The following CCDC149 variants were observed in gnomAD, a reference collection of about 807,000 sequenced individuals.
CCDC149 encodes the protein coiled-coil domain containing 149.
CCDC149 carries 45 observed loss-of-function variants against 59.9 expected under a neutral mutation model. The observed-to-expected ratio is 0.75, with a 90% confidence interval of 0.59 to 0.96. The LOEUF (loss-of-function observed/expected upper bound fraction) is 0.96, where lower values mean the gene tolerates loss of function less well. Among genes scored for constraint, CCDC149 ranks in the 40% least tolerant of loss-of-function variants. The pLI is 0.00. For synonymous variants in CCDC149, 245 were observed against 260.6 expected (o/e 0.94, Z 0.58); for missense variants, 584 against 664.7 (o/e 0.88, Z 1.33).
chr4:24,814,926 T>G (rs1714916557), intron 12 of CCDC149, among the ~76,000 whole-genome samples: 1 of 152,242 alleles, frequency 6.6e-6, no homozygotes. Flanking sequence ...TCATTCTCTC[T>G]TGTATGTCCC....
intron 1 of CCDC149, among the ~76,000 whole-genome samples, chr4:24,928,798 C>T (rs1345323125): frequency 6.6e-6 from 1 of 152,188 alleles, no homozygotes; most frequent in Non-Finnish European, 1.5e-5. Context: ...CTTCCTGTCA[C>T]TCCCTAATGT....
At chr4:24,958,742 GA>G (rs199755366) in intron 1 of CCDC149, among the ~76,000 whole-genome samples, 1 of 151,786 alleles carries the variant, frequency 6.6e-6, no homozygotes, top group Non-Finnish European at 1.5e-5. Flanking sequence ...AAACAGAGAA[GA>G]AAAAAAAGCC....
chr4:24,878,125 T>C (rs987958036), intron 1 of CCDC149, among the ~76,000 whole-genome samples: 4 of 150,666 alleles, frequency 2.7e-5, no homozygotes, highest in Admixed American at 1.3e-4. Flanking sequence ...TCATATATAG[T>C]GCTTGCTAGG....
intron 1 of CCDC149, among the ~76,000 whole-genome samples, chr4:24,977,448 A>T (rs1485637724): frequency 2.0e-5 from 3 of 152,118 alleles, no homozygotes; most frequent in Non-Finnish European, 4.4e-5. Context: ...TCACTCCCCA[A>T]CACCTCTGTT....
At chr4:24,821,771 T>C (rs1715415767) in intron 10 of CCDC149, among the ~76,000 whole-genome samples, 1 of 152,078 alleles carries the variant, frequency 6.6e-6, no homozygotes, top group African/African-American at 2.4e-5. Flanking sequence ...AAAAAGTCAA[T>C]GGGGAATGGC....
At chr4:24,957,574 G>A (rs913252485) in intron 1 of CCDC149, among the ~76,000 whole-genome samples, 2 of 152,150 alleles carry the variant, frequency 1.3e-5, no homozygotes, top group East Asian at 3.9e-4. Flanking sequence ...TTAAGTCAAC[G>A]GAATACATGT....
intron 3 of CCDC149, 79 bp downstream of exon 3, chr4:24,873,602 C>T (rs1194747734): frequency 2.5e-5 from 24 of 958,156 alleles, no homozygotes; most frequent in African/African-American, 3.2e-5. Context: ...AGGAAGTTCT[C>T]TACATTTTGA....
At chr4:24,949,310 C>T (rs1023686924) in intron 1 of CCDC149, among the ~76,000 whole-genome samples, 2 of 152,152 alleles carry the variant, frequency 1.3e-5, no homozygotes, top group Admixed American at 6.5e-5. Context: ...CTGAATGTAG[C>T]TGGGGCTTCC....
intron 1 of CCDC149, among the ~76,000 whole-genome samples, chr4:24,953,430 G>C (rs1723370478): frequency 6.6e-6 from 1 of 152,112 alleles, no homozygotes; most frequent in African/African-American, 2.4e-5. Context: ...AAAGACTAAG[G>C]CATTCAAAAA....
intron 1 of CCDC149, among the ~76,000 whole-genome samples, chr4:24,922,520 A>C (rs1200156342): frequency 1.3e-5 from 2 of 152,092 alleles, no homozygotes; most frequent in Admixed American, 6.5e-5. Context: ...TTTTGGACTC[A>C]TTTTTATTCT....
At chr4:24,945,091 A>G (rs975914877) in intron 1 of CCDC149, among the ~76,000 whole-genome samples, 4 of 152,192 alleles carry the variant, frequency 2.6e-5, no homozygotes, top group Non-Finnish European at 5.9e-5. Context: ...GAATGGGCTT[A>G]TTGAATCACA....
intron 1 of CCDC149, among the ~76,000 whole-genome samples, chr4:24,951,522 C>A (rs1723292229): frequency 6.6e-6 from 1 of 152,044 alleles, no homozygotes; most frequent in South Asian, 2.1e-4. Context: ...GAAATGGGAA[C>A]AAAATTAGCA....
chr4:24,911,150 T>C (rs908462037), intron 1 of CCDC149, among the ~76,000 whole-genome samples: 1 of 152,106 alleles, frequency 6.6e-6, no homozygotes, highest in Non-Finnish European at 1.5e-5. Flanking sequence ...GGCCCTGGAA[T>C]AAAGAACCAA....
intron 1 of CCDC149, among the ~76,000 whole-genome samples, chr4:24,925,214 G>A (rs889901337): frequency 1.3e-5 from 2 of 152,194 alleles, no homozygotes; most frequent in Admixed American, 1.3e-4. Context: ...GAAAATGAAA[G>A]GCATTGGTGG....
rs1027230829 is a variant in CCDC149, at chr4:24,874,450, C to T, written c.226-731G>A. On this transcript the variant is annotated intron_variant, in intron 2 of 12. Transcript: ENST00000635206. ...TACAAAAATTAGCCAGATGTGGCGG[C>T]GGGTGCCTGTAATCCCAGCTACTAG... Among the ~76,000 whole-genome samples, 15 of 151,724 alleles carry T rather than the reference C, an allele frequency of 9.9e-5. No homozygotes were observed. In the East Asian group the frequency reaches 1.4e-3, roughly 14 times the overall value.
intron 1 of CCDC149, among the ~76,000 whole-genome samples, chr4:24,962,255 A>C (rs533770577): frequency 6.8e-4 from 103 of 152,226 alleles, no homozygotes; most frequent in African/African-American, 2.5e-3. Flanking sequence ...TCAAAACCGC[A>C]ATGAGATACC....
intron 1 of CCDC149, among the ~76,000 whole-genome samples, chr4:24,955,279 A>C (rs1020423926): frequency 2.6e-5 from 4 of 152,290 alleles, no homozygotes; most frequent in South Asian, 4.1e-4. Flanking sequence ...AAGGGCAAAA[A>C]GGGCAAACTA....
rs1158423950 is a variant in CCDC149, at chr4:24,839,177, TCTAA to T, written c.373-909_373-906del. On this transcript the variant is annotated intron_variant, in intron 4 of 12. Coordinates refer to ENST00000635206, the MANE Select transcript of CCDC149 (RefSeq NM_001330643.2). Reference sequence around the variant, plus strand: ...GACTGCTGCTATCTGCTTTTTACTTTCTAACTTTTTTTTTTTTTTTGAGACGGAG... The same window carrying T: ...GACTGCTGCTATCTGCTTTTTACTTTCTTTTTTTTTTTTTTTGAGACGGAG... Among the ~76,000 whole-genome samples, 66 of 151,914 alleles carry T rather than the reference TCTAA, an allele frequency of 4.3e-4. 1 individual carries two copies. Among genetic ancestry groups the T allele is most frequent in the Middle Eastern group, 3.4e-3 (1 of 290 alleles).
intron 1 of CCDC149, among the ~76,000 whole-genome samples, chr4:24,890,231 C>T (rs1229584417): frequency 1.3e-5 from 2 of 152,184 alleles, no homozygotes; most frequent in Admixed American, 1.3e-4. Flanking sequence ...CATTTTGAAG[C>T]CTACTCAGTC....
Sources: allele counts gnomAD v4.1 joint callset (sites outside exome capture counted in the v4.1 genomes callset), GRCh38; gene constraint gnomAD v4.1.1; transcripts MANE v1.5; gene names NCBI Gene and HGNC (gene_info 2026-07-23, HGNC 2026-07-21).